Variants in LYZL4 observed in about 807,000 individuals in gnomAD.
LYZL4 encodes lysozyme like 4, also known as lysozyme-like protein 4.
A neutral mutation model predicts 17.6 loss-of-function variants in LYZL4; 13 were observed. The observed-to-expected ratio is 0.74, with a 90% confidence interval of 0.48 to 1.18. LYZL4 has a LOEUF of 1.18. Among genes scored for constraint, LYZL4 ranks in the 50% most tolerant of loss-of-function variants. The pLI is 0.00. For synonymous variants in LYZL4, 64 were observed against 67.7 expected (o/e 0.95, Z 0.27); for missense variants, 174 against 188.2 (o/e 0.92, Z 0.44).
the LYZL4 span, among the ~76,000 whole-genome samples, chr3:42,366,463 C>T: frequency 6.6e-6 from 1 of 152,196 alleles, no homozygotes; most frequent in Admixed American, 6.5e-5. Context: ...TCTCCCTCCC[C>T]AGAAGCCCTC....
the LYZL4 span, among the ~76,000 whole-genome samples, chr3:42,367,553 G>A: frequency 6.6e-6 from 1 of 152,204 alleles, no homozygotes; most frequent in South Asian, 2.1e-4. Flanking sequence ...AGGCACAGGA[G>A]GGTCAAGGGT....
At chr3:42,390,487 T>C in the LYZL4 span, among the ~76,000 whole-genome samples, 1 of 151,970 alleles carries the variant, frequency 6.6e-6, no homozygotes, top group African/African-American at 2.4e-5. Context: ...AGGGACTAAC[T>C]GGACACTTTG....
chr3:42,375,054 G>A, the LYZL4 span, among the ~76,000 whole-genome samples: 7 of 151,896 alleles, frequency 4.6e-5, no homozygotes, highest in East Asian at 1.9e-4. Context: ...CAAGCAATTC[G>A]CCCACCTCAG....
At chr3:42,375,282 A>T in the LYZL4 span, among the ~76,000 whole-genome samples, 131,286 of 152,196 alleles carry the variant, frequency 0.86, 57,182 homozygotes, top group Non-Finnish European at 0.92. Flanking sequence ...TTTGTAGAAT[A>T]GTCGATCTAA....
At chr3:42,361,381 C>T in the LYZL4 span, among the ~76,000 whole-genome samples, 2 of 152,086 alleles carry the variant, frequency 1.3e-5, no homozygotes, top group Admixed American at 6.5e-5. Flanking sequence ...CCAGTGTTTA[C>T]TTCTGAGAAG....
In LYZL4 at chr3:42,403,711, C is replaced by T. The variant is rs186401193; in HGVS notation, c.371+335G>A. Among the ~76,000 whole-genome samples the T allele has an allele frequency of 9.2e-4, 140 of 152,164 alleles. 1 individual carries two copies. The highest frequency in any genetic ancestry group is 1.7e-3 in the Non-Finnish European group (116 of 68,018). ...CACAACATGCATCAAGAACCTTAAA[C>T]GTATTCAAAAACCTTGTAGGAACTT... On this transcript the variant is annotated intron_variant, in intron 4 of 4. Transcript: ENST00000287748.
intron 1 of LYZL4, among the ~76,000 whole-genome samples, chr3:42,409,135 C>T (rs893718437): frequency 6.6e-6 from 1 of 152,272 alleles, no homozygotes; most frequent in African/African-American, 2.4e-5. Flanking sequence ...TCCAGCTTTA[C>T]CCCTCAGTGG....
the LYZL4 span, among the ~76,000 whole-genome samples, chr3:42,379,372 C>A: frequency 1.3e-5 from 2 of 152,322 alleles, no homozygotes; most frequent in African/African-American, 4.8e-5. Context: ...TTCTTAAGGC[C>A]TGGGCCTGGA....
chr3:42,366,298 C>T, the LYZL4 span, among the ~76,000 whole-genome samples: 1 of 152,166 alleles, frequency 6.6e-6, no homozygotes, highest in Admixed American at 6.5e-5. Flanking sequence ...CCTTGTGAGG[C>T]CCCAGCCTTG....
At chr3:42,364,866 G>A in the LYZL4 span, among the ~76,000 whole-genome samples, 1 of 152,176 alleles carries the variant, frequency 6.6e-6, no homozygotes, top group Non-Finnish European at 1.5e-5. Flanking sequence ...GTAATAAGCT[G>A]CCTAAGTCTA....
chr3:42,379,878 G>A, the LYZL4 span, among the ~76,000 whole-genome samples: 4 of 152,184 alleles, frequency 2.6e-5, no homozygotes, highest in African/African-American at 4.8e-5. Context: ...ATGGGGGTAG[G>A]ACCCTTATCC....
At chr3:42,386,395 G>GCTCCC in the LYZL4 span, among the ~76,000 whole-genome samples, 8 of 107,462 alleles carry the variant, frequency 7.4e-5, no homozygotes, top group Non-Finnish European at 1.1e-4. Flanking sequence ...GAGCCACCAC[G>GCTCCC]CCCCCCCCCC....
At chr3:42,383,962 C>CA in the LYZL4 span, among the ~76,000 whole-genome samples, 1 of 151,982 alleles carries the variant, frequency 6.6e-6, no homozygotes, top group Admixed American at 6.6e-5. Flanking sequence ...CAAAATATTC[C>CA]AAGATGATTC....
At chr3:42,405,521 G>A (rs543512576) in intron 3 of LYZL4, among the ~76,000 whole-genome samples, 1 of 152,228 alleles carries the variant, frequency 6.6e-6, no homozygotes, top group Non-Finnish European at 1.5e-5. Flanking sequence ...TACTCCCCAG[G>A]CCACATGAGA....
chr3:42,381,945 C>A, the LYZL4 span, among the ~76,000 whole-genome samples: 2 of 152,180 alleles, frequency 1.3e-5, no homozygotes, highest in African/African-American at 4.8e-5. Flanking sequence ...AAAACTGTAG[C>A]TTTCTGTGAG....
chr3:42,387,871 G>A, the LYZL4 span, among the ~76,000 whole-genome samples: 1 of 152,062 alleles, frequency 6.6e-6, no homozygotes, highest in South Asian at 2.1e-4. Context: ...TGTCTAAAGG[G>A]GGAAGCCTCT....
the LYZL4 span, among the ~76,000 whole-genome samples, chr3:42,381,021 G>C: frequency 6.6e-6 from 1 of 152,228 alleles, no homozygotes; most frequent in Non-Finnish European, 1.5e-5. Flanking sequence ...GGGTAGCTCA[G>C]TGGTCCCAGA....
At chr3:42,402,164 G>A (rs1190543826) in intron 4 of LYZL4, among the ~76,000 whole-genome samples, 1 of 149,216 alleles carries the variant, frequency 6.7e-6, no homozygotes, top group Non-Finnish European at 1.5e-5. Flanking sequence ...AAAAGAGCCA[G>A]GCATGGTGAC....
chr3:42,395,832 G>A (rs77749401), downstream of LYZL4, among the ~76,000 whole-genome samples: 1,246 of 152,208 alleles, frequency 8.2e-3, 16 homozygotes, highest in African/African-American at 0.028. Flanking sequence ...GAGGCGAGGC[G>A]GGTGGATCAC....
Sources: gnomAD v4.1 joint callset for allele counts (sites outside exome capture counted in the v4.1 genomes callset) on GRCh38, gnomAD v4.1.1 for gene constraint, MANE v1.5 for transcripts, NCBI Gene and HGNC (gene_info 2026-07-23, HGNC 2026-07-21) for gene names.